SULT1E1: variants seen among roughly 807,000 people sequenced by gnomAD.
SULT1E1 encodes the protein sulfotransferase family 1E member 1, also known as sulfotransferase 1E1.
SULT1E1 carries 36 observed loss-of-function variants against 33.6 expected under a neutral mutation model. The ratio of observed to expected loss-of-function variants is 1.07; its 90% CI spans 0.82 to 1.41. The LOEUF (loss-of-function observed/expected upper bound fraction) is 1.41, where lower values mean the gene tolerates loss of function less well. SULT1E1 is among the 40% of genes most tolerant of loss of function. The pLI, the probability that SULT1E1 is intolerant of heterozygous loss-of-function variation, is 0.00. For synonymous variants in SULT1E1, 121 were observed against 111.7 expected, an observed-to-expected ratio of 1.08 and a Z score of -0.53; for missense variants, 371 against 345.7, an observed-to-expected ratio of 1.07 and a Z score of -0.58.
Position 69,844,262 on chromosome 4 carries a change from T to A in SULT1E1, c.671A>T (p.His224Leu). The change falls in exon 7 of 8, where the codon CAT becomes CTT. Residue 224 changes from histidine to leucine, a missense_variant. Coordinates refer to ENST00000226444, the MANE Select transcript of SULT1E1 (RefSeq NM_005420.3). ...CTTCATCTCTTGGAACGAAGTATGA[T>A]GTATAATCCTGTCCACAAGCTCCTC... is the stretch of plus-strand genomic sequence containing the variant. ...PSEELVDRIIHHTSFQEMKNN... is the reference protein window; with the variant it reads ...PSEELVDRIILHTSFQEMKNN... 6.2e-7 allele frequency: 1 copy of A among 1,613,870 alleles called. No individual in the cohort carries two copies. The highest frequency in any genetic ancestry group is 8.5e-7 in the Non-Finnish European group (1 of 1,179,790).
chr4:69,848,540 T>C (rs893418544), intron 5 of SULT1E1, among the ~76,000 whole-genome samples: 1 of 151,966 alleles, frequency 6.6e-6, no homozygotes, highest in Non-Finnish European at 1.5e-5. Flanking sequence ...GAAAATGTTC[T>C]ACAGTGAAAT....
chr4:69,823,817 C>T, the SULT1E1 span, among the ~76,000 whole-genome samples: 1 of 152,136 alleles, frequency 6.6e-6, no homozygotes, highest in Non-Finnish European at 1.5e-5. Context: ...AAGACTGTGC[C>T]TCTACTACTG....
chr4:69,853,473 A>T (rs1364022567), intron 4 of SULT1E1, among the ~76,000 whole-genome samples: 2 of 152,136 alleles, frequency 1.3e-5, no homozygotes, highest in Non-Finnish European at 2.9e-5. Context: ...GCCAAGCTGA[A>T]CTGATTTTAG....
chr4:69,855,279 T>G (rs764812460), intron 3 of SULT1E1, 22 bp downstream of exon 3: 2 of 1,605,694 alleles, frequency 1.2e-6, no homozygotes, highest in African/African-American at 2.7e-5. Context: ...CAAATAGTTT[T>G]TAAAATCAAC....
chr4:69,834,689 TGTA>T, the SULT1E1 span, among the ~76,000 whole-genome samples: 1 of 152,172 alleles, frequency 6.6e-6, no homozygotes, highest in Non-Finnish European at 1.5e-5. Context: ...CTATCACAGT[TGTA>T]GTAGTAACAG....
At chr4:69,823,121 T>C in the SULT1E1 span, among the ~76,000 whole-genome samples, 1 of 152,160 alleles carries the variant, frequency 6.6e-6, no homozygotes, top group Non-Finnish European at 1.5e-5. Flanking sequence ...CCCAGCAGAC[T>C]CAACGTCCAA....
At chr4:69,837,781 T>C (rs928819033), downstream of SULT1E1, among the ~76,000 whole-genome samples, 2 of 152,184 alleles carry the variant, frequency 1.3e-5, no homozygotes, top group Non-Finnish European at 2.9e-5. Context: ...ACCTCCCACC[T>C]TGACCTCCCA....
In SULT1E1 at chr4:69,844,193, A is replaced by G; in HGVS notation, c.740T>C (p.Met247Thr). 3 of 1,613,934 alleles carry G rather than the reference A, an allele frequency of 1.9e-6. No homozygotes were observed. The highest frequency in any genetic ancestry group is 2.5e-6 in the Non-Finnish European group (3 of 1,179,902). Residue 247 changes from methionine (M) to threonine (T), a missense_variant, in exon 7 of 8, where the codon ATG becomes ACG. By Grantham distance (81) the Met-to-Thr change is moderately conservative. Coordinates refer to ENST00000226444, the MANE Select transcript of SULT1E1 (RefSeq NM_005420.3). ...TNYTTLPDEI[M>T]NQKLSPFMRK... is the part of the protein sequence containing the mutation. ...CATGAAGGGCGACAATTTCTGGTTC[A>G]TAATTTCGTCTGGCAGTGTTGTGTA... is the stretch of plus-strand genomic sequence containing the variant.
At chr4:69,835,704 T>C in the SULT1E1 span, among the ~76,000 whole-genome samples, 1 of 152,244 alleles carries the variant, frequency 6.6e-6, no homozygotes, top group South Asian at 2.1e-4. Flanking sequence ...AGTTTTGAAA[T>C]TCATATTATC....
intron 4 of SULT1E1, 62 bp downstream of exon 4, chr4:69,854,155 T>A: frequency 8.6e-7 from 1 of 1,159,236 alleles, no homozygotes; most frequent in Non-Finnish European, 1.3e-6. Flanking sequence ...GTATAACTGA[T>A]GAGATCACTC....
chr4:69,831,063 T>A, the SULT1E1 span, among the ~76,000 whole-genome samples: 5 of 152,202 alleles, frequency 3.3e-5, no homozygotes, highest in African/African-American at 1.2e-4. Context: ...TGATTCCTCC[T>A]TCTCAGGTGA....
At chr4:69,856,272 G>A (rs562807110) in intron 2 of SULT1E1, among the ~76,000 whole-genome samples, 1 of 152,284 alleles carries the variant, frequency 6.6e-6, no homozygotes, top group East Asian at 1.9e-4. Context: ...AACAAGCCTT[G>A]TAGTTCACAC....
intron 3 of SULT1E1, 65 bp downstream of exon 3, chr4:69,855,236 T>C: frequency 2.0e-6 from 3 of 1,507,530 alleles, no homozygotes; most frequent in South Asian, 1.3e-5. Context: ...TCTCATTGCT[T>C]GTACCATGTA....
At chr4:69,855,695 G>A (rs973225050) in intron 2 of SULT1E1, among the ~76,000 whole-genome samples, 1 of 152,184 alleles carries the variant, frequency 6.6e-6, no homozygotes, top group East Asian at 1.9e-4. Context: ...CATTGTGCAA[G>A]CTGCTAACAG....
In SULT1E1 at chr4:69,852,844, T is replaced by C. The variant is rs1007632063; in HGVS notation, c.369+1373A>G. Among the ~76,000 whole-genome samples, 7 of 152,162 alleles carry C rather than the reference T, an allele frequency of 4.6e-5. No individual in the cohort carries two copies. In the East Asian group the frequency reaches 1.2e-3, roughly 25 times the overall value. ...ATAAATGTCTGGTACCTGTTTCCAT[T>C]TGAGAAGTAAGGAGTTAACAGCAAG... is the stretch of plus-strand genomic sequence containing the variant. On this transcript the variant is annotated intron_variant, in intron 4 of 7. Coordinates refer to ENST00000226444, the MANE Select transcript of SULT1E1 (RefSeq NM_005420.3).
the SULT1E1 span, among the ~76,000 whole-genome samples, chr4:69,830,073 G>A: frequency 6.6e-6 from 1 of 152,142 alleles, no homozygotes; most frequent in African/African-American, 2.4e-5. Flanking sequence ...TCCTTCCAGT[G>A]TCCTTTCCTT....
the SULT1E1 span, among the ~76,000 whole-genome samples, chr4:69,834,006 T>C: frequency 1.3e-5 from 2 of 152,214 alleles, no homozygotes; most frequent in African/African-American, 2.4e-5. Context: ...TTAGCTTTAG[T>C]TGTACCAGTT....
At position 69,855,422 on chromosome 4, in the gene SULT1E1, T is replaced by C. The variant is rs920475863; in HGVS notation, c.150A>G (p.Thr50=). The C allele has an allele frequency of 1.2e-6, 2 of 1,607,776 alleles. No homozygotes were observed. The highest frequency in any genetic ancestry group is 2.7e-5 in the African/African-American group (2 of 74,712). ...LVIATYPKSG[T]TWVSEIVYMI... ...TATACACAATTTCACTAACCCAGGT[T>C]GTACCTGTAAAAATTAAATAAACCT... Residue 50 remains threonine (T), a synonymous_variant, in exon 3 of 8, where the codon ACA becomes ACG. Transcript: ENST00000226444.
At chr4:69,840,652 C>T (rs1198501705), downstream of SULT1E1, among the ~76,000 whole-genome samples, 1 of 152,092 alleles carries the variant, frequency 6.6e-6, no homozygotes, top group Non-Finnish European at 1.5e-5. Flanking sequence ...ATAAATCACA[C>T]TCATTGGAAT....
Sources: allele counts gnomAD v4.1 joint callset (sites outside exome capture counted in the v4.1 genomes callset), GRCh38; gene constraint gnomAD v4.1.1; transcripts MANE v1.5; gene names NCBI Gene and HGNC (gene_info 2026-07-23, HGNC 2026-07-21).